MTF1: variants seen among roughly 807,000 people sequenced by gnomAD.
The protein encoded by MTF1 is MRE-binding transcription factor.
Under a neutral mutation model 70.4 loss-of-function variants are expected in MTF1, and 22 were observed. That is an observed-to-expected ratio of 0.31 (90% CI 0.22 to 0.45). MTF1 has a LOEUF of 0.45. Ranked by LOEUF, MTF1 falls within the 20% of genes least tolerant of loss-of-function variation. MTF1 has a pLI of 1.00. For synonymous variants in MTF1, 333 were observed against 352.8 expected (o/e 0.94, Z 0.63); for missense variants, 649 against 922.0 (o/e 0.70, Z 3.83).
rs927684492 is a variant in MTF1, at chr1:37,809,928, C to CA, written c.*5207dup. ...ACCCCGGCCAATGATTAGTGTATGT[C>CA]AAAAAAAAGGGCTCTTGGGGGCTCT... On this transcript the variant is annotated 3_prime_UTR_variant, in exon 11 of 11. Coordinates refer to ENST00000373036, the MANE Select transcript of MTF1 (RefSeq NM_005955.3). The CA allele has an allele frequency of 3.2e-4, 49 of 151,836 alleles. No homozygotes were observed. The highest frequency in any genetic ancestry group is 4.1e-4 in the Non-Finnish European group (28 of 67,820). 9.4% of individuals were successfully genotyped at this position (151,836 alleles called of 1,614,324 possible). A position where few individuals can be genotyped will look rare whatever the true frequency, so the allele number is the denominator to read the frequency against.
chr1:37,857,439 G>A lies in MTF1; in HGVS notation c.220C>T (p.Leu74=). 1 of 1,614,130 alleles carries A rather than the reference G, an allele frequency of 6.2e-7. No homozygotes were observed. Among genetic ancestry groups the A allele is most frequent in the Non-Finnish European group, 8.5e-7 (1 of 1,180,046 alleles). ...DGQCGEHLPF[L]VGGEEGFHLI... is the part of the protein sequence containing the mutation. The stretch of plus-strand genomic sequence containing the variant: ...TGAAAGCCCTCTTCACCCCCTACTA[G>A]AAAAGGCAAGTGTTCTCCGCACTGT... The change falls in exon 2 of 11, where the codon CTA becomes TTA. Residue 74 remains leucine (L), a synonymous_variant. Transcript: ENST00000373036.
Position 37,815,234 on chromosome 1 carries a change from A to T in MTF1, c.2164T>A (p.Ser722Thr). ...LSAMDVSEFL[S>T]LQSLDTPSNL... Reference sequence around the variant, plus strand: ...GACGGGGTGTCCAGGCTCTGGAGGGATAGAAACTCTGACACATCCATGGCA... The same window carrying T: ...GACGGGGTGTCCAGGCTCTGGAGGGTTAGAAACTCTGACACATCCATGGCA... Residue 722 changes from serine to threonine, a missense_variant, in exon 11 of 11, where the codon TCC (serine) becomes ACC (threonine). Ser to Thr is a moderately conservative substitution (Grantham distance 58). Coordinates refer to ENST00000373036, the MANE Select transcript of MTF1 (RefSeq NM_005955.3). This position sits in a 1 kb window ranked among gnomAD's most constrained non-coding sequence, Gnocchi z 4.5. 6.2e-7 allele frequency: 1 copy of T among 1,614,000 alleles called. No individual in the cohort carries two copies. The highest frequency in any genetic ancestry group is 8.5e-7 in the Non-Finnish European group (1 of 1,179,998).
At chr1:37,854,519 G>A (rs916386895) in intron 2 of MTF1, among the ~76,000 whole-genome samples, 5 of 151,982 alleles carry the variant, frequency 3.3e-5, no homozygotes, top group African/African-American at 9.7e-5. Context: ...TTCCAGTATC[G>A]CCTCCACAGT....
intron 8 of MTF1, among the ~76,000 whole-genome samples, chr1:37,823,278 A>G (rs541380852): frequency 6.6e-6 from 1 of 151,860 alleles, no homozygotes; most frequent in Admixed American, 6.6e-5. Context: ...TCTACCAAAA[A>G]TACAAAAAAA....
chr1:37,840,173 A>G lies in MTF1; in HGVS notation c.409-15T>C, dbSNP rs748294417. On this transcript the variant is annotated splice_polypyrimidine_tract_variant and intron_variant, in intron 2 of 10. Transcript: ENST00000373036. The surrounding 1 kb of genome is among the most constrained non-coding windows in gnomAD (Gnocchi z 4.5). ...TACCGCTTTACCTGGCAGAGAAAAG[A>G]TACCTCATCAACAGGACAAAAATGC... The G allele has an allele frequency of 1.6e-5, 25 of 1,612,432 alleles. No individual in the cohort carries two copies. The highest frequency in any genetic ancestry group is 2.1e-5 in the Non-Finnish European group (25 of 1,178,860).
chr1:37,857,433 C>A lies in MTF1; in HGVS notation c.226G>T (p.Gly76Trp). The A allele has an allele frequency of 6.2e-7, 1 of 1,614,182 alleles. No individual in the cohort carries two copies. Among genetic ancestry groups the A allele is most frequent in the Non-Finnish European group, 8.5e-7 (1 of 1,180,038 alleles). ...QCGEHLPFLV[G>W]GEEGFHLIDH... The stretch of plus-strand genomic sequence containing the variant: ...ATCAGGTGAAAGCCCTCTTCACCCC[C>A]TACTAGAAAAGGCAAGTGTTCTCCG... Residue 76 changes from glycine to tryptophan, a missense_variant, in exon 2 of 11, where the codon GGG becomes TGG. Physicochemically the swap from Gly to Trp is radical, Grantham distance 184. Coordinates refer to ENST00000373036, the MANE Select transcript of MTF1 (RefSeq NM_005955.3).
intron 3 of MTF1, among the ~76,000 whole-genome samples, chr1:37,839,314 G>C (rs1641221319): frequency 6.6e-6 from 1 of 152,156 alleles, no homozygotes; most frequent in South Asian, 2.1e-4. Context: ...CTTGGATGGG[G>C]AAACTTAAGC....
intron 9 of MTF1, among the ~76,000 whole-genome samples, chr1:37,821,712 G>A (rs79920017): frequency 1.3e-5 from 2 of 152,308 alleles, no homozygotes; most frequent in East Asian, 1.9e-4. Flanking sequence ...TTAGCTCTCT[G>A]ACTTGGCCAC....
intron 7 of MTF1, among the ~76,000 whole-genome samples, chr1:37,826,187 T>C (rs1339106188): frequency 6.6e-6 from 1 of 152,218 alleles, no homozygotes; most frequent in Non-Finnish European, 1.5e-5. Context: ...AGGATCACTT[T>C]GGGATTGGGT....
At chr1:37,856,038 T>C (rs542725374) in intron 2 of MTF1, among the ~76,000 whole-genome samples, 63 of 152,268 alleles carry the variant, frequency 4.1e-4, no homozygotes, top group African/African-American at 1.5e-3. Context: ...TAACCACTAA[T>C]ATAATTTGTA....
In MTF1 at chr1:37,832,259, C is replaced by A; in HGVS notation, c.1054G>T (p.Glu352Ter). 1 of 1,612,256 alleles carries A rather than the reference C, an allele frequency of 6.2e-7. No homozygotes were observed. The highest frequency in any genetic ancestry group is 8.5e-7 in the Non-Finnish European group (1 of 1,178,536). ...SLLSTDSELR[E>*]NSSTTQGQDL... ...GGTACACTTACCGTACTGGAATTTT[C>A]TCGCAATTCAGAATCTGTGGACAGA... Residue 352 changes from glutamate (E) to a stop codon, truncating the protein, a stop_gained, in exon 7 of 11, where the codon GAA becomes TAA. Coordinates refer to ENST00000373036, the MANE Select transcript of MTF1 (RefSeq NM_005955.3). LOFTEE classifies it high-confidence loss of function.
intron 5 of MTF1, 47 bp from the exon 6 acceptor site, chr1:37,835,262 C>T: frequency 6.5e-7 from 1 of 1,549,482 alleles, no homozygotes; most frequent in South Asian, 1.1e-5. Flanking sequence ...AGTCATTTCA[C>T]TGGATTAAGA....
chr1:37,823,836 G>T, intron 7 of MTF1, 24 bp from the exon 8 acceptor site: 1 of 1,544,070 alleles, frequency 6.5e-7, no homozygotes, highest in Non-Finnish European at 9.0e-7. Flanking sequence ...ACAAAGATGT[G>T]AGATTGGCCA....
At chr1:37,831,315 CA>C (rs1199708828) in intron 7 of MTF1, among the ~76,000 whole-genome samples, 1 of 152,206 alleles carries the variant, frequency 6.6e-6, no homozygotes, top group East Asian at 1.9e-4. Flanking sequence ...GCTGACTCAG[CA>C]GGCTTGGGGG....
rs1321376868 is a variant in MTF1, at chr1:37,812,937, A to G, written c.*2199T>C. Reference sequence around the variant, plus strand: ...CAACTTCTGCTGAGGTCAATGGTCAACAGAAGCCACAATCCTTTTGGGGAA... The same window carrying G: ...CAACTTCTGCTGAGGTCAATGGTCAGCAGAAGCCACAATCCTTTTGGGGAA... On this transcript the variant is annotated 3_prime_UTR_variant, in exon 11 of 11. Coordinates refer to ENST00000373036, the MANE Select transcript of MTF1 (RefSeq NM_005955.3). 2 of 152,212 alleles carry G rather than the reference A, an allele frequency of 1.3e-5. No homozygotes were observed. The highest frequency in any genetic ancestry group is 2.9e-5 in the Non-Finnish European group (2 of 68,052). 9.4% of individuals were successfully genotyped at this position (152,212 alleles called of 1,614,324 possible).
At chr1:37,818,447 G>C (rs574483304) in intron 9 of MTF1, among the ~76,000 whole-genome samples, 1 of 152,338 alleles carries the variant, frequency 6.6e-6, no homozygotes, top group East Asian at 1.9e-4. Flanking sequence ...GCTCACGCCT[G>C]TAATCCCAGC....
chr1:37,842,129 G>A (rs115516939), intron 2 of MTF1, among the ~76,000 whole-genome samples: 1,846 of 152,044 alleles, frequency 0.012, 34 homozygotes, highest in African/African-American at 0.042. Context: ...TTAGCCAGGC[G>A]TGGTGGCACA....
intron 7 of MTF1, among the ~76,000 whole-genome samples, chr1:37,827,031 TA>T (rs1337154175): frequency 6.6e-5 from 10 of 152,136 alleles, no homozygotes; most frequent in African/African-American, 2.2e-4. Context: ...TTAAAACTCA[TA>T]GGCCAATAGT....
At chr1:37,849,819 C>G (rs1052157448) in intron 2 of MTF1, among the ~76,000 whole-genome samples, 1 of 152,022 alleles carries the variant, frequency 6.6e-6, no homozygotes, top group Admixed American at 6.6e-5. Flanking sequence ...GCCAGAAGTT[C>G]CAGGTTACAG....
Sources: allele counts gnomAD v4.1 joint callset (sites outside exome capture counted in the v4.1 genomes callset), GRCh38; gene constraint gnomAD v4.1.1; non-coding constraint Gnocchi (gnomAD v3.1); transcripts MANE v1.5; gene names NCBI Gene and HGNC (gene_info 2026-07-23, HGNC 2026-07-21).